The following CDCP2 variants were observed in gnomAD, a reference collection of about 807,000 sequenced individuals.
CDCP2 encodes the protein CUB domain containing protein 2.
CDCP2 carries 31 observed loss-of-function variants against 31.0 expected under a neutral mutation model. The ratio of observed to expected loss-of-function variants is 1.00; its 90% CI spans 0.75 to 1.35. The LOEUF (loss-of-function observed/expected upper bound fraction) is 1.35, where lower values mean the gene tolerates loss of function less well. Among genes scored for constraint, CDCP2 ranks in the 40% most tolerant of loss-of-function variants. CDCP2 has a pLI of 0.00. For missense variants in CDCP2, 443 were observed against 482.6 expected (o/e 0.92, Z 0.77); for synonymous variants, 206 against 207.9 (o/e 0.99, Z 0.08).
chr1:54,139,841 G>T (rs745771133), exon 4 of CDCP2: 101 of 1,614,088 alleles, frequency 6.3e-5, no homozygotes, highest in East Asian at 6.2e-4. Flanking sequence ...TTGAGGTCAC[G>T]GGTGGTGGCA....
intron 1 of CDCP2, among the ~76,000 whole-genome samples, chr1:54,150,154 G>A (rs1659555961): frequency 1.3e-5 from 2 of 152,240 alleles, no homozygotes; most frequent in South Asian, 4.1e-4. Context: ...GTGAGCATGT[G>A]CTCCAGGCTA....
At chr1:54,152,847 C>T in exon 1 of CDCP2, 1 of 1,614,168 alleles carries the variant, frequency 6.2e-7, no homozygotes, top group Non-Finnish European at 8.5e-7. Flanking sequence ...TGCCTACCTT[C>T]CATGGCTTGG....
Position 54,144,561 on chromosome 1 carries a change from G to A in CDCP2, c.332C>T (p.Pro111Leu), listed in dbSNP as rs183163862. 23 of 1,613,776 alleles carry A rather than the reference G, an allele frequency of 1.4e-5. No individual in the cohort carries two copies. Among genetic ancestry groups the A allele is most frequent in the African/African-American group, 8.0e-5 (6 of 75,048 alleles). The change falls in exon 2 of 6, where the codon CCG becomes CTG. Residue 111 changes from proline to leucine, a missense_variant. Coordinates refer to ENST00000530059, the Ensembl canonical transcript of CDCP2. ...ATGCCAGGAGGAGGTGAAGGGCGGCGGGGGCACCTTGCCGCAGAACCTCCC... is the reference window on the plus strand; with the variant it reads ...ATGCCAGGAGGAGGTGAAGGGCGGCAGGGGCACCTTGCCGCAGAACCTCCC...
At chr1:54,146,545 A>G (rs970574454) in intron 1 of CDCP2, among the ~76,000 whole-genome samples, 6 of 151,908 alleles carry the variant, frequency 3.9e-5, no homozygotes, top group African/African-American at 1.5e-4. Flanking sequence ...TGAAAGTATC[A>G]GTGTGAACTT....
chr1:54,134,722 TTTTG>T (rs775793268), intron 5 of CDCP2, among the ~76,000 whole-genome samples: 33 of 127,104 alleles, frequency 2.6e-4, no homozygotes, highest in Non-Finnish European at 4.6e-4. Context: ...ATGTGGTTTT[TTTTG>T]TTTGTTTTTT....
chr1:54,133,383 G>T, intron 5 of CDCP2, 89 bp from the exon 6 acceptor site: 1 of 397,920 alleles, frequency 2.5e-6, no homozygotes. Flanking sequence ...TACCAGGGGG[G>T]CAGAGCCCGA....
chr1:54,140,992 C>T, intron 3 of CDCP2, 106 bp downstream of exon 3: 4 of 965,470 alleles, frequency 4.1e-6, no homozygotes, highest in Non-Finnish European at 6.0e-6. Context: ...GTGCAGAAAG[C>T]TCAAGGCTGC....
intron 2 of CDCP2, chr1:54,143,762 G>C (rs967487510): frequency 2.0e-5 from 3 of 152,196 alleles, no homozygotes; most frequent in Non-Finnish European, 2.9e-5. Flanking sequence ...TCTGGCATTG[G>C]GAGGAAGCAG....
chr1:54,149,248 AT>A (rs1659533231), intron 1 of CDCP2, among the ~76,000 whole-genome samples: 1 of 151,684 alleles, frequency 6.6e-6, no homozygotes, highest in Admixed American at 6.6e-5. Flanking sequence ...ATTTTTTTAA[AT>A]TAAGCACTTA....
At chr1:54,133,620 GGT>G (rs1276029996) in intron 5 of CDCP2, among the ~76,000 whole-genome samples, 10 of 152,138 alleles carry the variant, frequency 6.6e-5, no homozygotes, top group South Asian at 2.1e-4. Context: ...CATGTGGCCG[GGT>G]GCGGTGGCTC....
chr1:54,135,214 G>C (rs1659238762), intron 5 of CDCP2, among the ~76,000 whole-genome samples: 1 of 152,098 alleles, frequency 6.6e-6, no homozygotes, highest in South Asian at 2.1e-4. Context: ...AGGGGGTTTT[G>C]ATGAGTGACA....
chr1:54,147,006 G>A (rs1230682430), intron 1 of CDCP2, among the ~76,000 whole-genome samples: 1 of 136,394 alleles, frequency 7.3e-6, no homozygotes, highest in African/African-American at 2.8e-5. Flanking sequence ...AACTTAGCAG[G>A]TAGAGTTTGC....
chr1:54,145,501 A>T (rs1023262218), intron 1 of CDCP2, among the ~76,000 whole-genome samples: 2 of 152,204 alleles, frequency 1.3e-5, no homozygotes, highest in Non-Finnish European at 2.9e-5. Flanking sequence ...GAGAAAAAGC[A>T]AGCCAGGAAA....
At chr1:54,152,683 G>A (rs1659603995) in intron 1 of CDCP2, among the ~76,000 whole-genome samples, 161 bp downstream of exon 1, 1 of 152,152 alleles carries the variant, frequency 6.6e-6, no homozygotes, top group African/African-American at 2.4e-5. Flanking sequence ...ACTCAATATT[G>A]TCTCCCCCCA....
chr1:54,137,192 C>T (rs1312404362), intron 4 of CDCP2, among the ~76,000 whole-genome samples: 2 of 152,172 alleles, frequency 1.3e-5, no homozygotes, highest in African/African-American at 2.4e-5. Flanking sequence ...ATATTGATGG[C>T]CTGCTATGTT....
At chr1:54,139,714 C>G (rs762212390) in intron 4 of CDCP2, 39 bp downstream of exon 4, 7 of 1,614,094 alleles carry the variant, frequency 4.3e-6, no homozygotes, top group Non-Finnish European at 5.9e-6. Context: ...AAAGCCTCCC[C>G]TTCGCCCTCA....
At chr1:54,147,011 G>A (rs1325437006) in intron 1 of CDCP2, among the ~76,000 whole-genome samples, 1 of 139,426 alleles carries the variant, frequency 7.2e-6, no homozygotes, top group Non-Finnish European at 1.5e-5. Flanking sequence ...AGCAGGTAGA[G>A]TTTGCAGTGA....
At chr1:54,141,336 G>T (rs1659370015) in exon 3 of CDCP2, 2 of 1,614,036 alleles carry the variant, frequency 1.2e-6, no homozygotes, top group Non-Finnish European at 1.7e-6. Context: ...CAGCGGCCCG[G>T]ATCACCCAGT....
rs1291093489 is a variant in CDCP2, at chr1:54,149,199, C to G, written c.79+3645G>C. ...TGAGCTATGACCACAGCACTGTAGT[C>G]CAGCCTGGGTGACAGAGAGAGACCT... On this transcript the variant is annotated intron_variant, in intron 1 of 5. Coordinates refer to ENST00000530059, the Ensembl canonical transcript of CDCP2. Among the ~76,000 whole-genome samples, 3 of 151,238 alleles carry G rather than the reference C, an allele frequency of 2.0e-5. 1 individual carries two copies. The highest frequency in any genetic ancestry group is 4.9e-5 in the African/African-American group (2 of 40,860).
Sources: allele counts gnomAD v4.1 joint callset (sites outside exome capture counted in the v4.1 genomes callset), GRCh38; gene constraint gnomAD v4.1.1; transcripts MANE v1.5; gene names NCBI Gene and HGNC (gene_info 2026-07-23, HGNC 2026-07-21).